The following ADARB2 variants were observed in gnomAD, a reference collection of about 807,000 sequenced individuals.
ADARB2 encodes inactive double-stranded RNA-specific editase B2.
In ADARB2, 25 loss-of-function variants were observed where a neutral mutation model predicts 62.2. The ratio of observed to expected loss-of-function variants is 0.40; its 90% CI spans 0.29 to 0.56. ADARB2 has a LOEUF of 0.56. Among genes scored for constraint, ADARB2 ranks in the 20% least tolerant of loss-of-function variants. The pLI is 0.43. For synonymous variants in ADARB2, 572 were observed against 500.8 expected (o/e 1.14, Z -1.90); for missense variants, 1,071 against 1,077.4 (o/e 0.99, Z 0.08).
intron 3 of ADARB2, among the ~76,000 whole-genome samples, chr10:1,344,883 G>A (rs1052827369): frequency 1.3e-5 from 2 of 152,184 alleles, no homozygotes; most frequent in Non-Finnish European, 2.9e-5. Flanking sequence ...CCGTGTGCCC[G>A]CTGTTTCTCC....
At chr10:1,185,263 A>G (rs1048069987) in intron 8 of ADARB2, among the ~76,000 whole-genome samples, 1 of 152,228 alleles carries the variant, frequency 6.6e-6, no homozygotes, top group African/African-American at 2.4e-5. Flanking sequence ...ACCTGCGTCA[A>G]CCTTCTAATC....
At chr10:1,524,108 G>A (rs1195788768) in intron 1 of ADARB2, among the ~76,000 whole-genome samples, 2 of 148,872 alleles carry the variant, frequency 1.3e-5, no homozygotes, top group Non-Finnish European at 3.0e-5. Context: ...ATAGATTAGA[G>A]AGAGAGAGAA....
chr10:1,576,052 G>A (rs1428487006), intron 1 of ADARB2, among the ~76,000 whole-genome samples: 16 of 27,364 alleles, frequency 5.8e-4, no homozygotes, highest in Admixed American at 9.7e-4. Context: ...GGGGGTCAGG[G>A]TCACAGGAGG....
rs529033016 is a variant in ADARB2, at chr10:1,593,444, G to T, written c.100+143607C>A. Among the ~76,000 whole-genome samples, 5 of 152,372 alleles carry T rather than the reference G, an allele frequency of 3.3e-5. No homozygotes were observed. In the East Asian group the frequency reaches 9.6e-4, roughly 29 times the overall value. ...CCTCTCTGGTCCAACAGTGTCAGGT[G>T]ACCATGAGTGCCCAATACTCTTGAG... On this transcript the variant is annotated intron_variant, in intron 1 of 9. Coordinates refer to ENST00000381312, the MANE Select transcript of ADARB2 (RefSeq NM_018702.4).
intron 1 of ADARB2, among the ~76,000 whole-genome samples, chr10:1,456,055 G>A (rs1831091633): frequency 1.3e-5 from 2 of 152,108 alleles, no homozygotes; most frequent in African/African-American, 4.8e-5. Context: ...TTATTTGTAT[G>A]CTTTTCCAGG....
At position 1,532,542 on chromosome 10, in the gene ADARB2, G is replaced by GC. The variant is rs565885280; in HGVS notation, c.101-153383dup. On this transcript the variant is annotated intron_variant, in intron 1 of 9. Transcript: ENST00000381312. ...CCCCTGGCATTGACCAGGGGAAGGT[G>GC]CGATTCCCTGTGGAGTTGGGAAGTG... Among the ~76,000 whole-genome samples, 14 of 152,232 alleles carry GC rather than the reference G, an allele frequency of 9.2e-5. No homozygotes were observed. The South Asian group carries it at 2.9e-3, about 32-fold the overall frequency.
intron 1 of ADARB2, among the ~76,000 whole-genome samples, chr10:1,470,243 G>C (rs1347033680): frequency 6.6e-6 from 1 of 152,218 alleles, no homozygotes; most frequent in African/African-American, 2.4e-5. Context: ...TAAAAAATAA[G>C]TTTTCAATAC....
intron 7 of ADARB2, among the ~76,000 whole-genome samples, chr10:1,208,812 C>T (rs936391861): frequency 6.6e-6 from 1 of 152,192 alleles, no homozygotes; most frequent in African/African-American, 2.4e-5. Flanking sequence ...TCTGGGAGGG[C>T]CTGATTTGTC....
chr10:1,562,978 A>C (rs1278680083), intron 1 of ADARB2, among the ~76,000 whole-genome samples: 1 of 152,254 alleles, frequency 6.6e-6, no homozygotes, highest in Non-Finnish European at 1.5e-5. Flanking sequence ...AGCACTTCTC[A>C]TGCTGAGCTC....
At chr10:1,369,659 A>T (rs4880499) in intron 2 of ADARB2, among the ~76,000 whole-genome samples, 126,211 of 152,074 alleles carry the variant, frequency 0.83, 56,475 homozygotes, top group Non-Finnish European at 0.98. Flanking sequence ...AATAAAATAC[A>T]TTTTAAAAAG....
intron 1 of ADARB2, among the ~76,000 whole-genome samples, chr10:1,428,009 G>A (rs987731110): frequency 6.6e-6 from 1 of 151,170 alleles, no homozygotes; most frequent in South Asian, 2.1e-4. Context: ...CTGTCACCCA[G>A]GCTGGAGTGC....
intron 4 of ADARB2, among the ~76,000 whole-genome samples, chr10:1,258,034 C>G (rs989531213): frequency 2.0e-5 from 3 of 152,132 alleles, no homozygotes; most frequent in Admixed American, 6.5e-5. Context: ...ACCCTGTCAA[C>G]GATGATTAAC....
chr10:1,526,045 C>T (rs11250584), intron 1 of ADARB2, among the ~76,000 whole-genome samples: 3,170 of 152,258 alleles, frequency 0.021, 107 homozygotes, highest in African/African-American at 0.07. Context: ...GCATGTGCAT[C>T]TGTGTTGAGG....
At chr10:1,537,473 A>G (rs1014249183) in intron 1 of ADARB2, among the ~76,000 whole-genome samples, 21 of 152,254 alleles carry the variant, frequency 1.4e-4, no homozygotes, top group Non-Finnish European at 2.2e-4. Context: ...TATATACCCA[A>G]AGGATTATAA....
intron 1 of ADARB2, among the ~76,000 whole-genome samples, chr10:1,712,708 AC>A (rs1286312303): frequency 7.1e-6 from 1 of 140,488 alleles, no homozygotes; most frequent in Admixed American, 7.2e-5. Context: ...TCCCGGGTTC[AC>A]GCCATTCTCC....
intron 4 of ADARB2, among the ~76,000 whole-genome samples, chr10:1,265,452 C>T (rs1230741546): frequency 2.6e-5 from 4 of 152,338 alleles, no homozygotes; most frequent in African/African-American, 7.2e-5. Context: ...TCCAGTGAAA[C>T]GAGAGGATTC....
At chr10:1,463,951 G>A (rs937341261) in intron 1 of ADARB2, among the ~76,000 whole-genome samples, 2 of 152,230 alleles carry the variant, frequency 1.3e-5, no homozygotes, top group Admixed American at 1.3e-4. Context: ...TCAGTCATTA[G>A]GAAAGCGCAA....
intron 4 of ADARB2, among the ~76,000 whole-genome samples, chr10:1,266,137 C>T (rs1186068968): frequency 3.3e-5 from 5 of 152,182 alleles, no homozygotes; most frequent in African/African-American, 9.7e-5. Flanking sequence ...CACGCTCTCC[C>T]GGAAGACACG....
intron 6 of ADARB2, among the ~76,000 whole-genome samples, chr10:1,230,986 G>GT (rs1213964618): frequency 1.3e-5 from 2 of 152,206 alleles, no homozygotes; most frequent in East Asian, 3.9e-4. Flanking sequence ...GAACGTATTT[G>GT]TTTTTCTAAA....
Sources: allele counts gnomAD v4.1 joint callset (sites outside exome capture counted in the v4.1 genomes callset), GRCh38; gene constraint gnomAD v4.1.1; transcripts MANE v1.5; gene names NCBI Gene and HGNC (gene_info 2026-07-23, HGNC 2026-07-21).